Variants in SPOCK2 observed in about 807,000 individuals in gnomAD.
SPOCK2 encodes SPARC (osteonectin), cwcv and kazal like domains proteoglycan 2.
SPOCK2 carries 39 observed loss-of-function variants against 60.1 expected under a neutral mutation model. That is an observed-to-expected ratio of 0.65 (90% CI 0.50 to 0.85). The LOEUF is 0.85. SPOCK2 is among the 40% of genes least tolerant of loss of function. The pLI, the probability that SPOCK2 is intolerant of heterozygous loss-of-function variation, is 0.00. For synonymous variants in SPOCK2, 217 were observed against 231.5 expected (o/e 0.94, Z 0.57); for missense variants, 523 against 567.4 (o/e 0.92, Z 0.80).
At position 72,062,731 on chromosome 10, in the gene SPOCK2, C is replaced by G. The variant is rs184489269; in HGVS notation, c.*29G>C. 5.2e-5 allele frequency: 82 copies of G among 1,578,726 alleles called. No homozygotes were observed. Among genetic ancestry groups the G allele is most frequent in the Middle Eastern group, 4.2e-4 (2 of 4,800 alleles). ...GCTGCTCAGAGCTCTGCTGTTGAGT[C>G]CCCCCCGGCAGCCGGCTCCTGAGGG... On this transcript the variant is annotated 3_prime_UTR_variant, in exon 11 of 11. Coordinates refer to ENST00000373109, the MANE Select transcript of SPOCK2 (RefSeq NM_001244950.2). This position sits in a 1 kb window ranked among gnomAD's most constrained non-coding sequence, Gnocchi z 4.3.
rs1840498742 is a variant in SPOCK2 at position 72,062,105 on chromosome 10, G to A, written c.*655C>T. On this transcript the variant is annotated 3_prime_UTR_variant, in exon 11 of 11. Transcript: ENST00000373109. This position sits in a 1 kb window ranked among gnomAD's most constrained non-coding sequence, Gnocchi z 4.3. ...GGGATCCGGCAAAGGGACAGGGCTT[G>A]CTGTGGCTGGGCGTCCTGGCCCGTC... 6.6e-6 allele frequency: 1 copy of A among 152,628 alleles called. No homozygotes were observed. The highest frequency in any genetic ancestry group is 2.4e-5 in the African/African-American group (1 of 41,466). The allele number at this position is 152,628 out of a possible 1,614,324, so 9.5% of individuals were successfully genotyped here.
At chr10:72,083,598 T>A (rs1196550488) in intron 1 of SPOCK2, among the ~76,000 whole-genome samples, 3 of 151,896 alleles carry the variant, frequency 2.0e-5, no homozygotes, top group African/African-American at 7.3e-5. Context: ...TAGACTGGAG[T>A]AGCATATGAC....
chr10:72,066,543 A>G (rs1840570302), intron 8 of SPOCK2, among the ~76,000 whole-genome samples: 2 of 136,354 alleles, frequency 1.5e-5, no homozygotes, highest in African/African-American at 5.6e-5. Context: ...GTCTCCCTGT[A>G]TTGTTTGGGC....
intron 6 of SPOCK2, 33 bp from the exon 7 acceptor site, chr10:72,067,765 T>A: frequency 6.2e-7 from 1 of 1,605,738 alleles, no homozygotes; most frequent in Non-Finnish European, 8.5e-7. Flanking sequence ...GGAGGGCGAA[T>A]GTGCAGTGGA....
intron 8 of SPOCK2, among the ~76,000 whole-genome samples, chr10:72,066,062 G>A (rs1840563460): frequency 1.3e-5 from 2 of 152,262 alleles, no homozygotes; most frequent in East Asian, 1.9e-4. Context: ...AGCCACACAG[G>A]TCAGGTGAGC....
intron 9 of SPOCK2, among the ~76,000 whole-genome samples, 194 bp from the exon 10 acceptor site, chr10:72,063,356 G>A (rs572096596): frequency 3.3e-5 from 5 of 152,304 alleles, no homozygotes; most frequent in South Asian, 4.1e-4. Flanking sequence ...GGCTCTACTC[G>A]CTGGAGATGA....
Position 72,086,180 on chromosome 10 carries a change from C to T in SPOCK2, c.189+1960G>A, listed in dbSNP as rs182407251. ...CTGAGGCTACCAAAATCAACACACA[C>T]CTAAAGCTTTCCCATGAATCTTACA... On this transcript the variant is annotated intron_variant, in intron 1 of 10. Transcript: ENST00000373109. The T allele has an allele frequency of 4.1e-6, 4 of 985,682 alleles. No homozygotes were observed. In the Admixed American group the frequency reaches 1.8e-4, roughly 45 times the overall value. 61.1% of individuals were successfully genotyped at this position (985,682 alleles called of 1,614,324 possible). A position where few individuals can be genotyped will look rare whatever the true frequency, so the allele number is the denominator to read the frequency against.
Position 72,062,656 on chromosome 10 carries a change from G to A in SPOCK2, c.*104C>T. 11 of 1,511,988 alleles carry A rather than the reference G, an allele frequency of 7.3e-6. No individual in the cohort carries two copies. The highest frequency in any genetic ancestry group is 9.7e-6 in the Non-Finnish European group (11 of 1,138,840). 93.7% of individuals were successfully genotyped at this position (1,511,988 alleles called of 1,614,324 possible). Reference sequence around the variant, plus strand: ...CACACTCCCAGTCCCCCCAGGTGGAGCAGGGTCCTTCTGACTGCATTTCTG... The same window carrying A: ...CACACTCCCAGTCCCCCCAGGTGGAACAGGGTCCTTCTGACTGCATTTCTG... On this transcript the variant is annotated 3_prime_UTR_variant, in exon 11 of 11. Transcript: ENST00000373109. This position sits in a 1 kb window ranked among gnomAD's most constrained non-coding sequence, Gnocchi z 4.3.
chr10:72,072,127 C>T lies in SPOCK2; in HGVS notation c.359+17G>A, dbSNP rs964477527. The T allele has an allele frequency of 2.8e-5, 41 of 1,469,748 alleles. No individual in the cohort carries two copies. The highest frequency in any genetic ancestry group is 3.6e-5 in the Non-Finnish European group (40 of 1,108,296). 91.0% of individuals were successfully genotyped at this position (1,469,748 alleles called of 1,614,324 possible). The stretch of plus-strand genomic sequence containing the variant: ...AACACACCCCCTCCAGGGCTCCCAC[C>T]TCCCCAAACCTCTCACCTGTGCTCC... On this transcript the variant is annotated intron_variant, in intron 4 of 10. Coordinates refer to ENST00000373109, the MANE Select transcript of SPOCK2 (RefSeq NM_001244950.2).
rs1589121214 is a variant in SPOCK2, at chr10:72,072,225, A to C, written c.278T>G (p.Val93Gly). Residue 93 changes from valine to glycine, a missense_variant, in exon 4 of 11, where the codon GTG (valine) becomes GGG (glycine). Transcript: ENST00000373109. Reference protein sequence around the residue: ...LDTTKDPCQKVKCSRHKVCIA... With the variant: ...LDTTKDPCQKGKCSRHKVCIA... ...GCACACCTTGTGGCGGCTGCACTTC[A>C]CCTTCTGGCAGGGGTCCTTGGTGGT... 6.5e-7 allele frequency: 1 copy of C among 1,546,570 alleles called. No homozygotes were observed. Among genetic ancestry groups the C allele is most frequent in the Non-Finnish European group, 8.7e-7 (1 of 1,145,404 alleles).
chr10:72,066,941 C>A lies in SPOCK2; in HGVS notation c.889G>T (p.Val297Phe), dbSNP rs1391586346. ...NSCDTYKDGRVSTAEWCFCFW... is the reference protein window; with the variant it reads ...NSCDTYKDGRFSTAEWCFCFW... ...CAGAAGCACCACTCAGCAGTAGAGA[C>A]CCGGCCATCCTTGTAGGTGTCACAG... Residue 297 changes from valine (V) to phenylalanine (F), a missense_variant, in exon 8 of 11, where the codon GTC (valine) becomes TTC (phenylalanine). Coordinates refer to ENST00000373109, the MANE Select transcript of SPOCK2 (RefSeq NM_001244950.2). 2 of 1,614,088 alleles carry A rather than the reference C, an allele frequency of 1.2e-6. No individual in the cohort carries two copies. Among genetic ancestry groups the A allele is most frequent in the Admixed American group, 1.7e-5 (1 of 60,004 alleles).
chr10:72,086,948 T>C, intron 1 of SPOCK2: 1 of 1,551,416 alleles, frequency 6.4e-7, no homozygotes. Context: ...ACGGGAGAGG[T>C]CATGGTGTGG....
rs1012609863 is a variant in SPOCK2, at chr10:72,070,341, C to T, written c.445G>A (p.Gly149Ser). 2 of 1,614,056 alleles carry T rather than the reference C, an allele frequency of 1.2e-6. No individual in the cohort carries two copies. The highest frequency in any genetic ancestry group is 1.1e-5 in the South Asian group (1 of 91,080). ...GAGCTGTAAGTGTGGCCATCTGAGC[C>T]GCAGACAGAGGCAAGCTGGGCCATG... ...CHMAQLASVC[G>S]SDGHTYSSVC... Residue 149 changes from glycine to serine, a missense_variant, in exon 5 of 11, where the codon GGC (glycine) becomes AGC (serine). Coordinates refer to ENST00000373109, the MANE Select transcript of SPOCK2 (RefSeq NM_001244950.2).
intron 8 of SPOCK2, among the ~76,000 whole-genome samples, chr10:72,065,324 C>A (rs928541397): frequency 3.3e-5 from 5 of 152,256 alleles, no homozygotes; most frequent in Admixed American, 3.3e-4. Flanking sequence ...GCGTGAGCCA[C>A]CGCGCCCGGT....
intron 1 of SPOCK2, among the ~76,000 whole-genome samples, chr10:72,077,350 G>A (rs1017596139): frequency 4.6e-5 from 7 of 151,944 alleles, no homozygotes; most frequent in South Asian, 2.1e-4. Flanking sequence ...GGCTGATCTC[G>A]AACTCCTGGG....
chr10:72,070,499 G>T, intron 4 of SPOCK2, 73 bp from the exon 5 acceptor site: 2 of 1,433,782 alleles, frequency 1.4e-6, no homozygotes, highest in Non-Finnish European at 2.0e-6. Context: ...GGAGGGCTGA[G>T]CAGACCTGTT....
rs778035043 is a variant in SPOCK2, at chr10:72,068,221, C to T, written c.555G>A (p.Glu185=). 2 of 1,609,886 alleles carry T rather than the reference C, an allele frequency of 1.2e-6. No individual in the cohort carries two copies. Among genetic ancestry groups the T allele is most frequent in the Non-Finnish European group, 1.7e-6 (2 of 1,178,044 alleles). ...RCEGPCPCPT[E]QAATSTADGK... is the part of the protein sequence containing the mutation. The stretch of plus-strand genomic sequence containing the variant: ...CATCGGCGGTGGAGGTGGCAGCCTG[C>T]TCCGTGGGGCAGGGGCAGGGGCCCT... The change falls in exon 6 of 11, where the codon GAG becomes GAA. Residue 185 remains glutamate (E), a synonymous_variant. Coordinates refer to ENST00000373109, the MANE Select transcript of SPOCK2 (RefSeq NM_001244950.2).
rs1208460048 is a variant in SPOCK2, at chr10:72,077,193, T to A, written c.190-4283A>T. Among the ~76,000 whole-genome samples the A allele has an allele frequency of 2.6e-5, 4 of 152,144 alleles. No individual in the cohort carries two copies. The East Asian group carries it at 7.7e-4, about 29-fold the overall frequency. On this transcript the variant is annotated intron_variant, in intron 1 of 10. Transcript: ENST00000373109. ...AGGAGTGCAGTGGTGCAATCATAGCTCACTGTAGCCCCGAACTCCCAGGCT... is the reference window on the plus strand; with the variant it reads ...AGGAGTGCAGTGGTGCAATCATAGCACACTGTAGCCCCGAACTCCCAGGCT...
intron 8 of SPOCK2, among the ~76,000 whole-genome samples, chr10:72,065,152 C>T (rs1454992288): frequency 7.8e-6 from 1 of 128,224 alleles, no homozygotes; most frequent in East Asian, 2.0e-4. Context: ...TCTCCTGCCT[C>T]AGCCTCCCAA....
Sources: gnomAD v4.1 joint callset for allele counts (sites outside exome capture counted in the v4.1 genomes callset) on GRCh38, gnomAD v4.1.1 for gene constraint, Gnocchi (gnomAD v3.1) non-coding constraint, MANE v1.5 for transcripts, NCBI Gene and HGNC (gene_info 2026-07-23, HGNC 2026-07-21) for gene names.